The following CWH43 variants were observed in gnomAD, a reference collection of about 807,000 sequenced individuals.
The protein encoded by CWH43 is PGAP2-interacting protein.
In CWH43, 91 loss-of-function variants were observed where a neutral mutation model predicts 85.7. That is an observed-to-expected ratio of 1.06 (90% CI 0.90 to 1.26). The LOEUF (loss-of-function observed/expected upper bound fraction) is 1.26, where lower values mean the gene tolerates loss of function less well. CWH43 is among the 50% of genes most tolerant of loss of function. CWH43 has a pLI of 0.00. For synonymous variants in CWH43, 323 were observed against 293.6 expected, an observed-to-expected ratio of 1.10 and a Z score of -1.02; for missense variants, 869 against 839.2, an observed-to-expected ratio of 1.04 and a Z score of -0.44.
intron 10 of CWH43, among the ~76,000 whole-genome samples, chr4:49,029,045 T>A (rs1338265170): frequency 6.6e-6 from 1 of 152,102 alleles, no homozygotes; most frequent in Admixed American, 6.5e-5. Flanking sequence ...GTAGCTTCTG[T>A]CACCTGGGGA....
intron 14 of CWH43, among the ~76,000 whole-genome samples, chr4:49,047,974 T>C (rs1784679888): frequency 6.6e-6 from 1 of 152,292 alleles, no homozygotes; most frequent in African/African-American, 2.4e-5. Flanking sequence ...GACTATAATT[T>C]GGTGTTTCCA....
At chr4:48,991,011 G>A (rs1355620485) in intron 2 of CWH43, among the ~76,000 whole-genome samples, 2 of 152,154 alleles carry the variant, frequency 1.3e-5, no homozygotes, top group Admixed American at 1.3e-4. Context: ...GTTATGCTAA[G>A]GGAAAGAAGG....
At chr4:49,041,739 G>A (rs1784469369) in intron 13 of CWH43, among the ~76,000 whole-genome samples, 1 of 152,132 alleles carries the variant, frequency 6.6e-6, no homozygotes, top group African/African-American at 2.4e-5. Flanking sequence ...ATTTGACAAG[G>A]ACTCTGTTCC....
chr4:49,032,804 A>G (rs1784142400), intron 12 of CWH43, 89 bp downstream of exon 12: 1 of 1,490,430 alleles, frequency 6.7e-7, no homozygotes, highest in Non-Finnish European at 9.2e-7. Flanking sequence ...CACCTTTCTC[A>G]TTTTCTTCTT....
At chr4:49,006,616 T>C (rs1196459176) in intron 7 of CWH43, among the ~76,000 whole-genome samples, 2 of 152,116 alleles carry the variant, frequency 1.3e-5, no homozygotes, top group East Asian at 1.9e-4. Context: ...GTATGTATGG[T>C]TTTAGATGAA....
intron 1 of CWH43, 112 bp downstream of exon 1, chr4:48,986,584 C>G: frequency 6.6e-7 from 1 of 1,520,520 alleles, no homozygotes; most frequent in South Asian, 1.2e-5. Context: ...AAAGGGCGCT[C>G]CGTGCCCAGA....
chr4:49,011,632 TC>T (rs1783363995), intron 8 of CWH43, among the ~76,000 whole-genome samples: 3 of 152,196 alleles, frequency 2.0e-5, no homozygotes, highest in Admixed American at 2.0e-4. Flanking sequence ...GTTGTTCCTG[TC>T]CATGTTTAGT....
At chr4:48,996,367 T>C (rs1782813991) in intron 5 of CWH43, among the ~76,000 whole-genome samples, 1 of 152,138 alleles carries the variant, frequency 6.6e-6, no homozygotes, top group African/African-American at 2.4e-5. Context: ...TTATATTCTG[T>C]ATTACAGATT....
At chr4:48,988,328 CA>C in intron 1 of CWH43, 148 bp from the exon 2 acceptor site, 5 of 473,944 alleles carry the variant, frequency 1.1e-5, no homozygotes, top group South Asian at 1.0e-4. Context: ...TGTTTTGTTC[CA>C]TGTCAGTGGA....
intron 6 of CWH43, among the ~76,000 whole-genome samples, chr4:48,999,965 C>A (rs1782939349): frequency 6.6e-6 from 1 of 152,010 alleles, no homozygotes; most frequent in Non-Finnish European, 1.5e-5. Context: ...GAGCATTGAA[C>A]TTATTTTCCT....
At chr4:49,055,507 T>A (rs1234952854) in intron 15 of CWH43, among the ~76,000 whole-genome samples, 1 of 152,172 alleles carries the variant, frequency 6.6e-6, no homozygotes, top group Non-Finnish European at 1.5e-5. Context: ...AGGCTAATAA[T>A]GGCCTCATAA....
Position 49,050,789 on chromosome 4 carries a change from A to G in CWH43, c.1961A>G (p.Asp654Gly). 1 of 1,612,818 alleles carries G rather than the reference A, an allele frequency of 6.2e-7. No individual in the cohort carries two copies. Among genetic ancestry groups the G allele is most frequent in the Non-Finnish European group, 8.5e-7 (1 of 1,178,982 alleles). Residue 654 changes from aspartate to glycine, a missense_variant, in exon 15 of 16, where the codon GAC becomes GGC. Asp to Gly is a moderately conservative substitution (Grantham distance 94). Coordinates refer to ENST00000226432, the MANE Select transcript of CWH43 (RefSeq NM_025087.3). The stretch of plus-strand genomic sequence containing the variant: ...CCTGATGACCCCACTAATTATAGAG[A>G]CAACCAGAAAGTGGTCATAGACCAC... The part of the protein sequence containing the change: ...RIPDDPTNYR[D>G]NQKVVIDHRE...
intron 13 of CWH43, among the ~76,000 whole-genome samples, chr4:49,043,393 A>T (rs1432656691): frequency 3.3e-5 from 5 of 152,202 alleles, no homozygotes; most frequent in African/African-American, 4.8e-5. Flanking sequence ...GTGTGTGTGC[A>T]TGTGCACGTG....
chr4:49,056,802 T>C (rs1784979510), intron 15 of CWH43, among the ~76,000 whole-genome samples: 1 of 152,156 alleles, frequency 6.6e-6, no homozygotes, highest in Non-Finnish European at 1.5e-5. Context: ...AAAATTCCCT[T>C]TTAAAACCGT....
chr4:49,043,108 G>T (rs926358842), intron 13 of CWH43, among the ~76,000 whole-genome samples: 7 of 152,156 alleles, frequency 4.6e-5, no homozygotes, highest in Non-Finnish European at 1.0e-4. Context: ...CTTGGGGAAA[G>T]TTACTTAGCC....
chr4:49,057,434 C>T (rs1785002340), intron 15 of CWH43, among the ~76,000 whole-genome samples: 1 of 152,188 alleles, frequency 6.6e-6, no homozygotes. Context: ...AGTAAATATG[C>T]ATTTATCTCA....
chr4:49,017,433 GC>G, intron 9 of CWH43, 105 bp downstream of exon 9: 1 of 727,362 alleles, frequency 1.4e-6, no homozygotes, highest in Admixed American at 2.7e-5. Context: ...TGACTTCAGA[GC>G]CCTGGGCCCT....
intron 13 of CWH43, among the ~76,000 whole-genome samples, chr4:49,044,083 T>C (rs1186192180): frequency 6.6e-6 from 1 of 152,178 alleles, no homozygotes; most frequent in Non-Finnish European, 1.5e-5. Flanking sequence ...TTATAAGATA[T>C]TTAAACAGAA....
At chr4:49,048,217 A>T (rs574291276) in intron 14 of CWH43, among the ~76,000 whole-genome samples, 31 of 152,150 alleles carry the variant, frequency 2.0e-4, no homozygotes, top group African/African-American at 6.7e-4. Flanking sequence ...TACCCATAAT[A>T]GCTCATTGTT....
Sources: gnomAD v4.1 joint callset for allele counts (sites outside exome capture counted in the v4.1 genomes callset) on GRCh38, gnomAD v4.1.1 for gene constraint, MANE v1.5 for transcripts, NCBI Gene and HGNC (gene_info 2026-07-23, HGNC 2026-07-21) for gene names.